The following CCBE1 variants were observed in gnomAD, a reference collection of about 807,000 sequenced individuals.
CCBE1 encodes collagen and calcium-binding EGF domain-containing protein 1.
A neutral mutation model predicts 50.0 loss-of-function variants in CCBE1; 37 were observed. That is an observed-to-expected ratio of 0.74 (90% CI 0.57 to 0.97). The LOEUF (loss-of-function observed/expected upper bound fraction) is 0.97, where lower values mean the gene tolerates loss of function less well. Among genes scored for constraint, CCBE1 ranks in the 50% least tolerant of loss-of-function variants. The probability of loss-of-function intolerance (pLI) is 0.00; values close to 1 mark genes in which losing one functional copy is unlikely to be tolerated. For synonymous variants in CCBE1, 234 were observed against 203.7 expected, an observed-to-expected ratio of 1.15 and a Z score of -1.27; for missense variants, 538 against 523.8, an observed-to-expected ratio of 1.03 and a Z score of -0.26.
chr18:59,632,908 G>A (rs1280067412), intron 2 of CCBE1, among the ~76,000 whole-genome samples: 1 of 152,062 alleles, frequency 6.6e-6, no homozygotes, highest in African/African-American at 2.4e-5. Context: ...CGCGCCTGGC[G>A]AGGAACAATC....
intron 2 of CCBE1, among the ~76,000 whole-genome samples, chr18:59,499,558 G>C (rs1472859534): frequency 6.6e-6 from 1 of 152,158 alleles, no homozygotes; most frequent in Non-Finnish European, 1.5e-5. Flanking sequence ...AAGAGAGAGA[G>C]AGCTTGTGTA....
chr18:59,604,202 C>G (rs1006795485), intron 2 of CCBE1, among the ~76,000 whole-genome samples: 2 of 152,178 alleles, frequency 1.3e-5, no homozygotes, highest in African/African-American at 4.8e-5. Flanking sequence ...TCACATAAGG[C>G]CAAAACAGTT....
intron 2 of CCBE1, among the ~76,000 whole-genome samples, chr18:59,522,470 C>G (rs1190284008): frequency 6.6e-6 from 1 of 152,034 alleles, no homozygotes; most frequent in Non-Finnish European, 1.5e-5. Context: ...TTAATAAAAA[C>G]AAGTAAGATA....
At chr18:59,459,106 G>A (rs1024052143) in intron 5 of CCBE1, 1 of 152,222 alleles carries the variant, frequency 6.6e-6, no homozygotes, top group African/African-American at 2.4e-5. Flanking sequence ...TCCCAGAACA[G>A]TGCCCAGCTT....
chr18:59,542,523 A>G (rs989647305), intron 2 of CCBE1, among the ~76,000 whole-genome samples: 2 of 152,266 alleles, frequency 1.3e-5, no homozygotes, highest in Non-Finnish European at 2.9e-5. Context: ...GATCAGAAGA[A>G]GTGATACTAT....
In CCBE1 at chr18:59,530,731, C is replaced by T. The variant is rs999840240; in HGVS notation, c.213-50493G>A. Among the ~76,000 whole-genome samples, 8 of 152,324 alleles carry T rather than the reference C, an allele frequency of 5.3e-5. No individual in the cohort carries two copies. The South Asian group carries it at 6.2e-4, about 12-fold the overall frequency. On this transcript the variant is annotated intron_variant, in intron 2 of 10. Transcript: ENST00000439986. ...ATCTGGCTTTAGCTATGATTTAAGGCATAATAAAGGAACAAACAACAAAAA... is the reference window on the plus strand; with the variant it reads ...ATCTGGCTTTAGCTATGATTTAAGGTATAATAAAGGAACAAACAACAAAAA...
intron 2 of CCBE1, among the ~76,000 whole-genome samples, chr18:59,691,202 C>T (rs2054726422): frequency 6.6e-6 from 1 of 152,216 alleles, no homozygotes. Flanking sequence ...ACCTCTCTGT[C>T]CAGGCATGGA....
At chr18:59,584,030 G>T (rs973137129) in intron 2 of CCBE1, among the ~76,000 whole-genome samples, 2 of 152,014 alleles carry the variant, frequency 1.3e-5, no homozygotes, top group Admixed American at 6.6e-5. Flanking sequence ...AAATCATGCT[G>T]CTATAAAGAC....
chr18:59,642,896 C>G (rs1427262850), intron 2 of CCBE1, among the ~76,000 whole-genome samples: 2 of 146,024 alleles, frequency 1.4e-5, no homozygotes, highest in African/African-American at 5.1e-5. Flanking sequence ...TTGCAGTGAA[C>G]CGAGATCGTG....
intron 2 of CCBE1, among the ~76,000 whole-genome samples, chr18:59,544,330 A>G (rs773505070): frequency 2.0e-5 from 3 of 146,642 alleles, no homozygotes; most frequent in Non-Finnish European, 3.1e-5. Flanking sequence ...TTTGTCTGCT[A>G]AAAATCCATT....
intron 2 of CCBE1, among the ~76,000 whole-genome samples, chr18:59,565,969 G>A (rs1420678200): frequency 1.3e-5 from 2 of 152,110 alleles, no homozygotes; most frequent in African/African-American, 2.4e-5. Context: ...AAGACCCCGA[G>A]TCACTACCTC....
At chr18:59,620,241 C>T (rs1042884616) in intron 2 of CCBE1, among the ~76,000 whole-genome samples, 11 of 152,286 alleles carry the variant, frequency 7.2e-5, no homozygotes, top group South Asian at 2.1e-4. Context: ...TCTTCATTCT[C>T]GCTGTCTTCC....
At chr18:59,649,095 A>G (rs1435988144) in intron 2 of CCBE1, among the ~76,000 whole-genome samples, 1 of 152,192 alleles carries the variant, frequency 6.6e-6, no homozygotes, top group African/African-American at 2.4e-5. Context: ...ACAAACTTCA[A>G]TGTGTATTTC....
intron 2 of CCBE1, among the ~76,000 whole-genome samples, chr18:59,562,307 CCTAT>C (rs1180539028): frequency 1.3e-5 from 2 of 152,100 alleles, no homozygotes; most frequent in African/African-American, 4.8e-5. Context: ...CCAATCAGAA[CCTAT>C]CTTTTTAGAT....
intron 2 of CCBE1, among the ~76,000 whole-genome samples, chr18:59,515,127 G>A (rs1004595324): frequency 3.9e-5 from 6 of 152,198 alleles, no homozygotes; most frequent in South Asian, 2.1e-4. Context: ...AACAAGAAGG[G>A]TAGGAAGAAA....
intron 2 of CCBE1, among the ~76,000 whole-genome samples, chr18:59,668,435 A>G (rs2054385748): frequency 6.6e-6 from 1 of 151,776 alleles, no homozygotes; most frequent in Non-Finnish European, 1.5e-5. Context: ...AATAATAATA[A>G]TAATAATTAG....
rs761288720 is a variant in CCBE1 at position 59,466,729 on chromosome 18, C to T, written c.553+10G>A. ...GTAATTAGGGAGATATTTAGACTTG[C>T]CCTACTTACCAGTGTCATTGGGATA... On this transcript the variant is annotated intron_variant, in intron 5 of 10. Transcript: ENST00000439986. 3.4e-5 allele frequency: 55 copies of T among 1,609,090 alleles called. No individual in the cohort carries two copies. Among genetic ancestry groups the T allele is most frequent in the Non-Finnish European group, 4.6e-5 (54 of 1,177,506 alleles).
At chr18:59,551,991 C>T (rs903057782) in intron 2 of CCBE1, among the ~76,000 whole-genome samples, 16 of 152,088 alleles carry the variant, frequency 1.1e-4, no homozygotes, top group Admixed American at 2.6e-4. Context: ...GGGCAACGCA[C>T]GCCTTGGCCA....
At chr18:59,583,672 TGTGTGTGTGCGCGCGCGC>T in intron 2 of CCBE1, among the ~76,000 whole-genome samples, 1 of 95,412 alleles carries the variant, frequency 1.0e-5, no homozygotes, top group African/African-American at 4.4e-5. Flanking sequence ...TGTGTGTGTG[TGTGTGTGTGCGCGCGCGC>T]GCGCGCGCGC....
Sources: allele counts gnomAD v4.1 joint callset (sites outside exome capture counted in the v4.1 genomes callset), GRCh38; gene constraint gnomAD v4.1.1; transcripts MANE v1.5; gene names NCBI Gene and HGNC (gene_info 2026-07-23, HGNC 2026-07-21).